Variants in B4GALNT1 observed in about 807,000 individuals in gnomAD.
B4GALNT1 encodes beta-1,4-N-acetyl-galactosaminyltransferase 1.
In B4GALNT1, 43 loss-of-function variants were observed where a neutral mutation model predicts 55.2. That is an observed-to-expected ratio of 0.78 (90% CI 0.61 to 1.00). The LOEUF is 1.00. Ranked by LOEUF, B4GALNT1 falls within the 50% of genes least tolerant of loss-of-function variation. B4GALNT1 has a pLI of 0.00. For synonymous variants in B4GALNT1, 305 were observed against 311.6 expected (o/e 0.98, Z 0.22); for missense variants, 664 against 729.7 (o/e 0.91, Z 1.04).
chr12:57,624,445 G>T lies in B4GALNT1; in HGVS notation c.*2299C>A. The stretch of plus-strand genomic sequence containing the variant: ...TCACTGCCCTGGATCTCTTTACCCA[G>T]CAGTGATGGCCTGGCTTTTCTTTTG... On this transcript the variant is annotated 3_prime_UTR_variant, in exon 11 of 11. Coordinates refer to ENST00000341156, the MANE Select transcript of B4GALNT1 (RefSeq NM_001478.5). The T allele has an allele frequency of 6.7e-6, 4 of 594,408 alleles. No individual in the cohort carries two copies. Among genetic ancestry groups the T allele is most frequent in the South Asian group, 6.0e-5 (4 of 66,578 alleles). 36.8% of individuals were successfully genotyped at this position (594,408 alleles called of 1,614,324 possible). A position where few individuals can be genotyped will look rare whatever the true frequency, so the allele number is the denominator to read the frequency against.
In B4GALNT1 at chr12:57,629,084, G is replaced by A; in HGVS notation, c.775C>T (p.Pro259Ser). The change falls in exon 7 of 11, where the codon CCT (proline) becomes TCT (serine). Residue 259 changes from proline (P) to serine (S), a missense_variant. By Grantham distance (74) the Pro-to-Ser change is moderately conservative (BLOSUM62 -1). Coordinates refer to ENST00000341156, the MANE Select transcript of B4GALNT1 (RefSeq NM_001478.5). ...FTIRIRHPPN[P>S]RLYPPGSLPQ... ...AGAGACCCAGGTGGGTACAGCCGAG[G>A]GTTGGGCGGGTGTCTTATGCGGATA... 1.9e-6 allele frequency: 3 copies of A among 1,597,332 alleles called. No homozygotes were observed. The highest frequency in any genetic ancestry group is 1.3e-5 in the African/African-American group (1 of 74,718).
chr12:57,628,467 T>C (rs1884986196), intron 8 of B4GALNT1: 1 of 850,702 alleles, frequency 1.2e-6, no homozygotes, highest in Admixed American at 2.9e-5. Context: ...TTAATTTCCG[T>C]GTGCATTTAT....
rs1884699342 is a variant in B4GALNT1, at chr12:57,624,887, T to C, written c.*1857A>G. 6.2e-7 allele frequency: 1 copy of C among 1,614,052 alleles called. No homozygotes were observed. The highest frequency in any genetic ancestry group is 8.5e-7 in the Non-Finnish European group (1 of 1,180,032). On this transcript the variant is annotated 3_prime_UTR_variant, in exon 11 of 11. Coordinates refer to ENST00000341156, the MANE Select transcript of B4GALNT1 (RefSeq NM_001478.5). ...TTAGCTCCTCCAGGTCCCGGGGCTC[T>C]GCATCCTGAGCTATCCAACACCACT...
rs1392659420 is a variant in B4GALNT1 at position 57,626,467 on chromosome 12, TCCC to T, written c.*274_*276del. The T allele has an allele frequency of 8.1e-6, 4 of 492,636 alleles. No individual in the cohort carries two copies. In the Admixed American group the frequency reaches 1.4e-4, roughly 17 times the overall value. The allele number at this position is 492,636 out of a possible 1,614,324, so 30.5% of individuals were successfully genotyped here. A position where few individuals can be genotyped will look rare whatever the true frequency, so the allele number is the denominator to read the frequency against. On this transcript the variant is annotated 3_prime_UTR_variant, in exon 11 of 11. Coordinates refer to ENST00000341156, the MANE Select transcript of B4GALNT1 (RefSeq NM_001478.5). The stretch of plus-strand genomic sequence containing the variant: ...GGGCTCTTTGGCACTTGGAAAGTGA[TCCC>T]CCCATTTCCTGCCCCATGAGAATGG...
chr12:57,627,791 G>T lies in B4GALNT1; in HGVS notation c.1211C>A (p.Pro404His), dbSNP rs1361328824. The T allele has an allele frequency of 6.3e-7, 1 of 1,598,898 alleles. No individual in the cohort carries two copies. Among genetic ancestry groups the T allele is most frequent in the East Asian group, 2.3e-5 (1 of 44,262 alleles). ...GCAGTTCCCGAGGCCTGGGGCGCCG[G>T]GCTCCACGCTCAGCAGCTGCCGATA... is the stretch of plus-strand genomic sequence containing the variant. ...TTYRQLLSVE[P>H]GAPGLGNCLR... Residue 404 changes from proline (P) to histidine (H), a missense_variant, in exon 10 of 11, where the codon CCC becomes CAC. By Grantham distance (77) the Pro-to-His change is moderately conservative. Coordinates refer to ENST00000341156, the MANE Select transcript of B4GALNT1 (RefSeq NM_001478.5).
chr12:57,626,668 G>A lies in B4GALNT1; in HGVS notation c.*76C>T. 6.5e-7 allele frequency: 1 copy of A among 1,531,554 alleles called. No homozygotes were observed. The highest frequency in any genetic ancestry group is 9.0e-7 in the Non-Finnish European group (1 of 1,110,642). 94.9% of individuals were successfully genotyped at this position (1,531,554 alleles called of 1,614,324 possible). On this transcript the variant is annotated 3_prime_UTR_variant, in exon 11 of 11. Coordinates refer to ENST00000341156, the MANE Select transcript of B4GALNT1 (RefSeq NM_001478.5). ...CAGCCAGTAGAGTGCTCACAGGGTG[G>A]TGGGGTTTGTTGGAAATTCCTGGCA...
At position 57,624,231 on chromosome 12, in the gene B4GALNT1, T is replaced by G; in HGVS notation, c.*2513A>C. 2.5e-6 allele frequency: 2 copies of G among 804,280 alleles called. No homozygotes were observed. The highest frequency in any genetic ancestry group is 4.0e-6 in the Non-Finnish European group (2 of 499,484). 49.8% of individuals were successfully genotyped at this position (804,280 alleles called of 1,614,324 possible). A position where few individuals can be genotyped will look rare whatever the true frequency, so the allele number is the denominator to read the frequency against. On this transcript the variant is annotated 3_prime_UTR_variant, in exon 11 of 11. Coordinates refer to ENST00000341156, the MANE Select transcript of B4GALNT1 (RefSeq NM_001478.5). ...CCACTCCCCCAGCAAACATAACTCC[T>G]AGTATGCTTTACTCACAGGCAAGGG...
In B4GALNT1 at chr12:57,624,166, A is replaced by G. The variant is rs1213788163; in HGVS notation, c.*2578T>C. On this transcript the variant is annotated 3_prime_UTR_variant, in exon 11 of 11. Coordinates refer to ENST00000341156, the MANE Select transcript of B4GALNT1 (RefSeq NM_001478.5). The stretch of plus-strand genomic sequence containing the variant: ...TTAGCATCCCCAGCCTCTGCCCTGA[A>G]CCAAACCTAATTGTCCTGGTCTTAA... The G allele has an allele frequency of 6.8e-7, 1 of 1,474,070 alleles. No homozygotes were observed. 91.3% of individuals were successfully genotyped at this position (1,474,070 alleles called of 1,614,324 possible).
chr12:57,624,137 CTTG>C lies in B4GALNT1; in HGVS notation c.*2604_*2606del, dbSNP rs775642373. On this transcript the variant is annotated 3_prime_UTR_variant, in exon 11 of 11. Coordinates refer to ENST00000341156, the MANE Select transcript of B4GALNT1 (RefSeq NM_001478.5). ...TTACCCCCAGATTGCCCCCTCTCATCTTGTTAGCATCCCCAGCCTCTGCCCTGA... is the reference window on the plus strand; with the variant it reads ...TTACCCCCAGATTGCCCCCTCTCATCTTAGCATCCCCAGCCTCTGCCCTGA... The C allele has an allele frequency of 2.5e-6, 4 of 1,595,048 alleles. No individual in the cohort carries two copies. Among genetic ancestry groups the C allele is most frequent in the Non-Finnish European group, 3.4e-6 (4 of 1,164,928 alleles).
Position 57,624,024 on chromosome 12 carries a change from A to G in B4GALNT1, c.*2720T>C. On this transcript the variant is annotated 3_prime_UTR_variant, in exon 11 of 11. Coordinates refer to ENST00000341156, the MANE Select transcript of B4GALNT1 (RefSeq NM_001478.5). ...CAAGGCTGTCCTGGCTTGCATCAAC[A>G]TCTCCAGCATGCGCCAGGTGTTCTG... The G allele has an allele frequency of 6.2e-7, 1 of 1,611,808 alleles. No homozygotes were observed. Among genetic ancestry groups the G allele is most frequent in the Admixed American group, 1.7e-5 (1 of 59,770 alleles).
In B4GALNT1 at chr12:57,628,671, C is replaced by T. The variant is rs949771788; in HGVS notation, c.1002+42G>A. On this transcript the variant is annotated intron_variant, in intron 8 of 10. Transcript: ENST00000341156. The stretch of plus-strand genomic sequence containing the variant: ...CTGCAGATTGAGGGCACACCCCCTG[C>T]GGGAGTCCTCTGGCCTGCCGTTCAG... The T allele has an allele frequency of 5.0e-6, 8 of 1,610,212 alleles. No individual in the cohort carries two copies. The African/African-American group carries it at 6.7e-5, about 13-fold the overall frequency.
At position 57,627,824 on chromosome 12, in the gene B4GALNT1, G is replaced by A. The variant is rs770040424; in HGVS notation, c.1178C>T (p.Ala393Val). The change falls in exon 10 of 11, where the codon GCC becomes GTC. Residue 393 changes from alanine (A) to valine (V), a missense_variant. Coordinates refer to ENST00000341156, the MANE Select transcript of B4GALNT1 (RefSeq NM_001478.5). Reference protein sequence around the residue: ...GGAVREISGFATTYRQLLSVE... With the variant: ...GGAVREISGFVTTYRQLLSVE... The stretch of plus-strand genomic sequence containing the variant: ...GCTCAGCAGCTGCCGATAAGTGGTG[G>A]CAAAGCCGGAGATCTCGCGCACCGC... 36 of 1,590,942 alleles carry A rather than the reference G, an allele frequency of 2.3e-5. No homozygotes were observed. Among genetic ancestry groups the A allele is most frequent in the Admixed American group, 3.4e-5 (2 of 58,566 alleles).
chr12:57,624,873 A>C lies in B4GALNT1; in HGVS notation c.*1871T>G. On this transcript the variant is annotated 3_prime_UTR_variant, in exon 11 of 11. Coordinates refer to ENST00000341156, the MANE Select transcript of B4GALNT1 (RefSeq NM_001478.5). Reference sequence around the variant, plus strand: ...GATCCTTTGACCTCTTAGCTCCTCCAGGTCCCGGGGCTCTGCATCCTGAGC... The same window carrying C: ...GATCCTTTGACCTCTTAGCTCCTCCCGGTCCCGGGGCTCTGCATCCTGAGC... 6.2e-7 allele frequency: 1 copy of C among 1,614,124 alleles called. No homozygotes were observed. Among genetic ancestry groups the C allele is most frequent in the South Asian group, 1.1e-5 (1 of 91,086 alleles).
chr12:57,625,827 G>T lies in B4GALNT1; in HGVS notation c.*917C>A, dbSNP rs185034115. 2 of 1,425,294 alleles carry T rather than the reference G, an allele frequency of 1.4e-6. No homozygotes were observed. The highest frequency in any genetic ancestry group is 1.4e-5 in the African/African-American group (1 of 70,416). The allele number at this position is 1,425,294 out of a possible 1,614,324, so 88.3% of individuals were successfully genotyped here. On this transcript the variant is annotated 3_prime_UTR_variant, in exon 11 of 11. Coordinates refer to ENST00000341156, the MANE Select transcript of B4GALNT1 (RefSeq NM_001478.5). ...AGATCAAGAAGAAAAGGGTGGGGAC[G>T]GAATGAATAGTAGATTGAAGACCAA...
intron 4 of B4GALNT1, 59 bp downstream of exon 4, chr12:57,630,920 AC>A: frequency 6.7e-7 from 1 of 1,489,418 alleles, no homozygotes; most frequent in Non-Finnish European, 9.3e-7. Context: ...TCCCCACCCA[AC>A]CTTGGGCTCT....
chr12:57,626,688 C>T lies in B4GALNT1; in HGVS notation c.*56G>A. The T allele has an allele frequency of 1.3e-6, 2 of 1,598,876 alleles. No homozygotes were observed. Among genetic ancestry groups the T allele is most frequent in the Non-Finnish European group, 1.7e-6 (2 of 1,168,056 alleles). ...GGGTGGTGGGGTTTGTTGGAAATTC[C>T]TGGCAGGGACAAGGAGGCAGGCCCA... On this transcript the variant is annotated 3_prime_UTR_variant, in exon 11 of 11. Coordinates refer to ENST00000341156, the MANE Select transcript of B4GALNT1 (RefSeq NM_001478.5).
At chr12:57,630,011 A>T (rs1180063167) in intron 6 of B4GALNT1, 141 bp downstream of exon 6, 1 of 1,556,934 alleles carries the variant, frequency 6.4e-7, no homozygotes, top group African/African-American at 1.4e-5. Context: ...CTGCTGGTCC[A>T]GTTGAAGCAC....
At chr12:57,627,017 G>A (rs1884859446) in intron 10 of B4GALNT1, 56 bp from the exon 11 acceptor site, 3 of 1,454,426 alleles carry the variant, frequency 2.1e-6, no homozygotes, top group Admixed American at 3.8e-5. Context: ...AAGGCCGACT[G>A]GTAAGGGAGA....
In B4GALNT1 at chr12:57,627,862, C is replaced by T; in HGVS notation, c.1144-4G>A. 6.3e-7 allele frequency: 1 copy of T among 1,576,414 alleles called. No homozygotes were observed. The highest frequency in any genetic ancestry group is 1.1e-5 in the South Asian group (1 of 87,122). On this transcript the variant is annotated splice_polypyrimidine_tract_variant and splice_region_variant and intron_variant, in intron 9 of 10. Coordinates refer to ENST00000341156, the MANE Select transcript of B4GALNT1 (RefSeq NM_001478.5). ...TCTCGCGCACCGCGCCCCCCACCTG[C>T]AGGGAGAGGGAGGTTGCCTCCAGGC...
Sources: gnomAD v4.1 joint callset for allele counts on GRCh38, gnomAD v4.1.1 for gene constraint, MANE v1.5 for transcripts, NCBI Gene and HGNC (gene_info 2026-07-23, HGNC 2026-07-21) for gene names.